Variants in TTC28 observed in about 807,000 individuals in gnomAD.
TTC28 encodes the protein tetratricopeptide repeat domain 28.
In TTC28, 61 loss-of-function variants were observed where a neutral mutation model predicts 198.0. That is an observed-to-expected ratio of 0.31 (90% CI 0.25 to 0.38). TTC28 has a LOEUF of 0.38. Among genes scored for constraint, TTC28 ranks in the 10% least tolerant of loss-of-function variants. The pLI, the probability that TTC28 is intolerant of heterozygous loss-of-function variation, is 1.00. For synonymous variants in TTC28, 1,171 were observed against 1,297.8 expected, an observed-to-expected ratio of 0.90 and a Z score of 2.10; for missense variants, 2,678 against 3,164.0, an observed-to-expected ratio of 0.85 and a Z score of 3.69.
intron 13 of TTC28, among the ~76,000 whole-genome samples, chr22:28,029,737 G>A (rs562311158): frequency 4.6e-5 from 7 of 152,304 alleles, no homozygotes; most frequent in Middle Eastern, 3.4e-3. Context: ...TGGCACAGAC[G>A]GGTGAGCCTG....
At chr22:28,191,459 G>C (rs1340491965) in intron 5 of TTC28, among the ~76,000 whole-genome samples, 1 of 152,236 alleles carries the variant, frequency 6.6e-6, no homozygotes, top group Admixed American at 6.5e-5. Context: ...AGTGGGTGCA[G>C]CGCACCGAGC....
chr22:28,452,417 AAG>A (rs1491563945), intron 2 of TTC28, among the ~76,000 whole-genome samples: 73 of 147,380 alleles, frequency 5.0e-4, no homozygotes, highest in African/African-American at 1.7e-3. Flanking sequence ...AAAAAAAAAA[AAG>A]AGGCTGTATT....
At chr22:28,522,754 T>C (rs1332990249) in intron 2 of TTC28, among the ~76,000 whole-genome samples, 1 of 151,730 alleles carries the variant, frequency 6.6e-6, no homozygotes, top group Non-Finnish European at 1.5e-5. Flanking sequence ...ACAATCTAAG[T>C]AAAAAAAACC....
intron 1 of TTC28, among the ~76,000 whole-genome samples, chr22:28,659,321 T>C (rs1250773177): frequency 1.3e-5 from 2 of 152,198 alleles, no homozygotes; most frequent in Non-Finnish European, 2.9e-5. Context: ...CAGGATGAAG[T>C]GCAGTGGCAC....
chr22:28,160,499 A>C (rs1344051405), intron 6 of TTC28, among the ~76,000 whole-genome samples: 2 of 152,356 alleles, frequency 1.3e-5, no homozygotes, highest in South Asian at 2.1e-4. Flanking sequence ...ATAATGTAGG[A>C]TATCTGAATA....
intron 5 of TTC28, among the ~76,000 whole-genome samples, chr22:28,214,150 A>C (rs1334345469): frequency 1.3e-5 from 2 of 152,194 alleles, no homozygotes; most frequent in African/African-American, 2.4e-5. Context: ...TAAAAGACTT[A>C]AATGTTAGAC....
chr22:28,294,924 C>G (rs1348760949), intron 5 of TTC28, among the ~76,000 whole-genome samples: 1 of 152,164 alleles, frequency 6.6e-6, no homozygotes, highest in African/African-American at 2.4e-5. Flanking sequence ...ATCTGGACAA[C>G]TATGCTGTTT....
At chr22:28,057,445 GTGTT>G (rs1019805244) in intron 12 of TTC28, among the ~76,000 whole-genome samples, 1 of 152,012 alleles carries the variant, frequency 6.6e-6, no homozygotes, top group African/African-American at 2.4e-5. Context: ...TTTAAATCAA[GTGTT>G]TGTTTAAATC....
intron 2 of TTC28, among the ~76,000 whole-genome samples, chr22:28,310,253 C>T (rs2045233152): frequency 6.6e-6 from 1 of 151,936 alleles, no homozygotes; most frequent in African/African-American, 2.4e-5. Flanking sequence ...GTCTTGACTG[C>T]TGGCTGCAGT....
At position 28,178,182 on chromosome 22, in the gene TTC28, C is replaced by T. The variant is rs187719901; in HGVS notation, c.934-14583G>A. On this transcript the variant is annotated intron_variant, in intron 5 of 22. Coordinates refer to ENST00000397906, the MANE Select transcript of TTC28 (RefSeq NM_001145418.2). ...GAAGAAAAGTATATCGGGCCGGGCA[C>T]GGTGGCACATGCCTGTAATCCCAGC... Among the ~76,000 whole-genome samples the T allele has an allele frequency of 6.3e-4, 95 of 151,888 alleles. No individual in the cohort carries two copies. The East Asian group carries it at 7.8e-3, about 12-fold the overall frequency.
intron 6 of TTC28, among the ~76,000 whole-genome samples, chr22:28,135,920 G>A (rs1943188199): frequency 6.6e-6 from 1 of 152,126 alleles, no homozygotes; most frequent in South Asian, 2.1e-4. Flanking sequence ...TCCTAAGACT[G>A]ATTTGAATGT....
chr22:28,218,935 G>A (rs903226114), intron 5 of TTC28, among the ~76,000 whole-genome samples: 4 of 149,556 alleles, frequency 2.7e-5, no homozygotes, highest in Admixed American at 6.7e-5. Context: ...CTTTTATACC[G>A]TCAGTGCAAA....
intron 19 of TTC28, among the ~76,000 whole-genome samples, chr22:27,991,161 C>T (rs1017527518): frequency 3.3e-5 from 5 of 152,214 alleles, no homozygotes; most frequent in Admixed American, 3.3e-4. Flanking sequence ...AAAGGTCCAC[C>T]AGCTGCCACC....
At chr22:28,053,037 T>G (rs1305086739) in intron 12 of TTC28, among the ~76,000 whole-genome samples, 3 of 152,276 alleles carry the variant, frequency 2.0e-5, no homozygotes, top group African/African-American at 7.2e-5. Flanking sequence ...AATATTTGTT[T>G]CTAGGTTTAC....
intron 12 of TTC28, among the ~76,000 whole-genome samples, chr22:28,084,158 G>C (rs1941471501): frequency 6.6e-6 from 1 of 152,220 alleles, no homozygotes; most frequent in African/African-American, 2.4e-5. Flanking sequence ...GCTCTGAAGA[G>C]AGTAGTAGTT....
intron 1 of TTC28, among the ~76,000 whole-genome samples, chr22:28,662,261 A>C (rs1248335877): frequency 6.6e-6 from 1 of 152,188 alleles, no homozygotes; most frequent in Non-Finnish European, 1.5e-5. Context: ...AAATTATGTT[A>C]TTTTCTGGCA....
intron 2 of TTC28, among the ~76,000 whole-genome samples, chr22:28,315,048 T>C (rs1255068324): frequency 6.6e-6 from 1 of 152,180 alleles, no homozygotes; most frequent in South Asian, 2.1e-4. Context: ...CAAAGGCAGA[T>C]ACCTTGCATT....
At chr22:28,149,405 C>T (rs985575532) in intron 6 of TTC28, among the ~76,000 whole-genome samples, 5 of 152,162 alleles carry the variant, frequency 3.3e-5, no homozygotes, top group African/African-American at 1.2e-4. Context: ...ATATACACAA[C>T]GAAATACGAA....
At chr22:28,211,847 C>A (rs550056749) in intron 5 of TTC28, among the ~76,000 whole-genome samples, 2 of 152,248 alleles carry the variant, frequency 1.3e-5, no homozygotes, top group East Asian at 3.9e-4. Context: ...AGCACCATAT[C>A]GCACTTATTC....
Sources: allele counts gnomAD v4.1 joint callset (sites outside exome capture counted in the v4.1 genomes callset), GRCh38; gene constraint gnomAD v4.1.1; transcripts MANE v1.5; gene names NCBI Gene and HGNC (gene_info 2026-07-23, HGNC 2026-07-21).